Variants in CUX1 observed in about 807,000 individuals in gnomAD.
CUX1 encodes cut like homeobox 1, also known as protein CASP.
In CUX1, 31 loss-of-function variants were observed where a neutral mutation model predicts 158.8. That is an observed-to-expected ratio of 0.20 (90% CI 0.15 to 0.26). The LOEUF (loss-of-function observed/expected upper bound fraction) is 0.26. Among genes scored for constraint, CUX1 ranks in the 10% least tolerant of loss-of-function variants. The pLI is 1.00. For missense variants in CUX1, 1,589 were observed against 2,014.6 expected, an observed-to-expected ratio of 0.79 and a Z score of 4.04; for synonymous variants, 879 against 862.1, an observed-to-expected ratio of 1.02 and a Z score of -0.34.
intron 2 of CUX1, among the ~76,000 whole-genome samples, chr7:101,926,638 C>T (rs1805625442): frequency 6.6e-6 from 1 of 152,166 alleles, no homozygotes; most frequent in Non-Finnish European, 1.5e-5. Flanking sequence ...CTGCCTACTT[C>T]AAGGGGTCCT....
chr7:101,914,722 C>T (rs1341277996), intron 1 of CUX1, among the ~76,000 whole-genome samples: 1 of 152,060 alleles, frequency 6.6e-6, no homozygotes, highest in African/African-American at 2.4e-5. Context: ...TGGTCTCAAA[C>T]TCCTGACCTC....
intron 1 of CUX1, among the ~76,000 whole-genome samples, chr7:101,895,891 G>GTTTTTTTTTTTTTTTT (rs66481506): frequency 8.9e-6 from 1 of 112,716 alleles, no homozygotes; most frequent in Non-Finnish European, 1.7e-5. Context: ...CACCTGTAAA[G>GTTTTTTTTTTTTTTTT]TTTTTTTTTT....
intron 23 of CUX1, among the ~76,000 whole-genome samples, chr7:102,243,677 T>TAATAAAAAA (rs544002750): frequency 6.5e-5 from 9 of 139,054 alleles, no homozygotes; most frequent in African/African-American, 2.3e-4. Context: ...ATAATAATAA[T>TAATAAAAAA]AAAATAAATG....
At chr7:102,068,673 C>T (rs1208643093) in intron 3 of CUX1, among the ~76,000 whole-genome samples, 1 of 152,154 alleles carries the variant, frequency 6.6e-6, no homozygotes, top group African/African-American at 2.4e-5. Context: ...AGGTGAGAGG[C>T]CCTGTAATTA....
At chr7:101,874,504 G>T (rs1798908808) in intron 1 of CUX1, among the ~76,000 whole-genome samples, 2 of 152,208 alleles carry the variant, frequency 1.3e-5, no homozygotes, top group East Asian at 1.9e-4. Context: ...ATGGCGCATC[G>T]CCTTGGTGCC....
chr7:101,920,059 C>G (rs1221039726), intron 2 of CUX1, among the ~76,000 whole-genome samples: 1 of 152,112 alleles, frequency 6.6e-6, no homozygotes. Context: ...TCCCGAGTAG[C>G]TGGGATTACA....
At chr7:102,057,442 TCCTTTCCTTCTGGAAA>T (rs1220611902) in intron 3 of CUX1, among the ~76,000 whole-genome samples, 1 of 152,138 alleles carries the variant, frequency 6.6e-6, no homozygotes, top group Non-Finnish European at 1.5e-5. Flanking sequence ...TAAATAGAAA[TCCTTTCCTTCTGGAAA>T]GGAGTCACCA....
chr7:102,096,675 C>T (rs1829227726), intron 4 of CUX1, among the ~76,000 whole-genome samples: 1 of 152,154 alleles, frequency 6.6e-6, no homozygotes, highest in East Asian at 1.9e-4. Context: ...CACTGCACTC[C>T]AGCCTGGGCG....
intron 20 of CUX1, among the ~76,000 whole-genome samples, chr7:102,213,622 C>G (rs931833888): frequency 2.0e-5 from 3 of 152,210 alleles, no homozygotes; most frequent in African/African-American, 4.8e-5. Flanking sequence ...ACAGAATTTA[C>G]AGCACATTGG....
intron 2 of CUX1, among the ~76,000 whole-genome samples, chr7:101,998,686 G>GTT (rs1420435160): frequency 6.6e-6 from 1 of 152,110 alleles, no homozygotes; most frequent in Non-Finnish European, 1.5e-5. Context: ...AAAAAAATTG[G>GTT]TTTTTTTGGA....
chr7:102,187,876 G>C (rs981122688), intron 11 of CUX1, among the ~76,000 whole-genome samples: 3 of 152,058 alleles, frequency 2.0e-5, no homozygotes, highest in Non-Finnish European at 4.4e-5. Flanking sequence ...AGTCTAGAAT[G>C]TTCTCAGTTG....
chr7:101,817,234 C>T, upstream of CUX1: 1 of 984,734 alleles, frequency 1.0e-6, no homozygotes, highest in African/African-American at 1.7e-5. This position sits in a 1 kb window ranked among gnomAD's most constrained non-coding sequence, Gnocchi z 4.1. Context: ...CGGTCCGAGC[C>T]GCGATCGCCG....
intron 8 of CUX1, among the ~76,000 whole-genome samples, chr7:102,118,464 G>A (rs574915042): frequency 3.7e-4 from 57 of 152,294 alleles, no homozygotes; most frequent in Admixed American, 5.9e-4. Context: ...CTTGAGCCCA[G>A]GAGGTCGAGG....
chr7:102,028,723 C>CCGTTAGG, intron 3 of CUX1, among the ~76,000 whole-genome samples: 1 of 152,332 alleles, frequency 6.6e-6, no homozygotes, highest in Non-Finnish European at 1.5e-5. Context: ...CTGGGACATC[C>CCGTTAGG]GCCCTGGCTA....
intron 10 of CUX1, among the ~76,000 whole-genome samples, chr7:102,175,509 G>A (rs1792216903): frequency 6.6e-6 from 1 of 151,994 alleles, no homozygotes; most frequent in Non-Finnish European, 1.5e-5. Flanking sequence ...GCCACCACAT[G>A]TCCAGGCGCC....
rs1793552263 is a variant in CUX1 at position 101,827,970 on chromosome 7, CTTGT to C, written c.30+10304_30+10307del. 2.4e-5 allele frequency among the ~76,000 whole-genome samples: 3 copies of C among 125,298 alleles called. No homozygotes were observed. The Admixed American group carries it at 2.5e-4, about 10-fold the overall frequency. 82.2% of individuals were successfully genotyped at this position (125,298 alleles called of 152,430 possible). A position where few individuals can be genotyped will look rare whatever the true frequency, so the allele number is the denominator to read the frequency against. On this transcript the variant is annotated intron_variant, in intron 1 of 23. Transcript: ENST00000292535. ...GGAGAAGCAGGCCCAATTGGTATAA[CTTGT>C]TTTTTTTTTTTTTTTTTTTGAGATG... is the stretch of plus-strand genomic sequence containing the variant.
chr7:102,038,383 C>A (rs1430089862), intron 3 of CUX1, among the ~76,000 whole-genome samples: 1 of 152,092 alleles, frequency 6.6e-6, no homozygotes, highest in African/African-American at 2.4e-5. Flanking sequence ...GGGAGAAACC[C>A]AGTAAGGAAA....
At chr7:102,169,705 C>T (rs1041178985) in intron 9 of CUX1, among the ~76,000 whole-genome samples, 6 of 152,200 alleles carry the variant, frequency 3.9e-5, no homozygotes, top group Non-Finnish European at 8.8e-5. Context: ...GACCTGTCCT[C>T]GTCATCCAGT....
rs149910410 is a variant in CUX1 at position 102,010,260 on chromosome 7, T to A, written c.142-17838T>A. On this transcript the variant is annotated intron_variant, in intron 2 of 23. Transcript: ENST00000292535. ...TAATACAAAAATTAGCCAGGCATGGTGGTGAGTGCCTGTAGCCCCAGCTAC... is the reference window on the plus strand; with the variant it reads ...TAATACAAAAATTAGCCAGGCATGGAGGTGAGTGCCTGTAGCCCCAGCTAC... Among the ~76,000 whole-genome samples the A allele has an allele frequency of 6.3e-3, 960 of 152,090 alleles. 11 individuals are homozygous for A. The highest frequency in any genetic ancestry group is 0.022 in the African/African-American group (931 of 41,504).
Sources: allele counts gnomAD v4.1 joint callset (sites outside exome capture counted in the v4.1 genomes callset), GRCh38; gene constraint gnomAD v4.1.1; non-coding constraint Gnocchi (gnomAD v3.1); transcripts MANE v1.5; gene names NCBI Gene and HGNC (gene_info 2026-07-23, HGNC 2026-07-21).